ZNF273: variants seen among roughly 807,000 people sequenced by gnomAD.
ZNF273 encodes the protein zinc finger protein 273, also known as zinc finger protein 9.
ZNF273 carries 11 observed loss-of-function variants against 14.9 expected under a neutral mutation model. The ratio of observed to expected loss-of-function variants is 0.74; its 90% CI spans 0.46 to 1.22. The LOEUF is 1.22. ZNF273 is among the 50% of genes most tolerant of loss of function. The probability of loss-of-function intolerance (pLI) is 0.00; values close to 1 mark genes in which losing one functional copy is unlikely to be tolerated. For missense variants in ZNF273, 577 were observed against 660.6 expected (o/e 0.87, Z 1.39); for synonymous variants, 199 against 223.9 (o/e 0.89, Z 0.99).
At chr7:64,911,514 TAGCCTCCCG>T (rs1300802210) in intron 1 of ZNF273, among the ~76,000 whole-genome samples, 1 of 152,036 alleles carries the variant, frequency 6.6e-6, no homozygotes, top group Non-Finnish European at 1.5e-5. Flanking sequence ...CCACCCGCCT[TAGCCTCCCG>T]AAGTGCTGGG....
downstream of ZNF273, chr7:64,889,437 C>T (rs1791825301): frequency 4.1e-6 from 4 of 985,834 alleles, no homozygotes; most frequent in Non-Finnish European, 2.4e-6. This position sits in a 1 kb window ranked among gnomAD's most constrained non-coding sequence, Gnocchi z 4.2. Flanking sequence ...CCCACTCGGG[C>T]TCGGGTGGCC....
downstream of ZNF273, chr7:64,879,882 G>A (rs1397826610): frequency 6.6e-6 from 1 of 152,210 alleles, no homozygotes; most frequent in South Asian, 2.1e-4. Flanking sequence ...GAAGCCCTAC[G>A]GTGAGCAACG....
At chr7:64,905,329 T>C (rs935314547) in intron 1 of ZNF273, among the ~76,000 whole-genome samples, 3 of 151,626 alleles carry the variant, frequency 2.0e-5, no homozygotes, top group Admixed American at 6.6e-5. Context: ...TTGGCTGTAC[T>C]GGCCTTGAAC....
chr7:64,879,750 G>A (rs1008282476), downstream of ZNF273: 6 of 151,932 alleles, frequency 3.9e-5, no homozygotes, highest in Non-Finnish European at 5.9e-5. Context: ...AGCCCAATGG[G>A]ACCCGATTCC....
At chr7:64,915,352 A>G (rs186268512) in intron 1 of ZNF273, among the ~76,000 whole-genome samples, 3 of 152,318 alleles carry the variant, frequency 2.0e-5, no homozygotes, top group Non-Finnish European at 4.4e-5. Context: ...TGAAGTGGGA[A>G]ATCAGGGGTC....
chr7:64,895,101 C>T (rs1792288809), intron 3 of ZNF273, among the ~76,000 whole-genome samples: 1 of 152,110 alleles, frequency 6.6e-6, no homozygotes, highest in African/African-American at 2.4e-5. Flanking sequence ...CGTGCCGCTG[C>T]ACTCCAGCCT....
chr7:64,909,710 C>T (rs1300182985), intron 1 of ZNF273, among the ~76,000 whole-genome samples: 1 of 152,064 alleles, frequency 6.6e-6, no homozygotes, highest in Non-Finnish European at 1.5e-5. Context: ...GTTGCTGAAT[C>T]AAATGGTAAT....
upstream of ZNF273, among the ~76,000 whole-genome samples, chr7:64,899,441 G>A (rs756189834): frequency 1.3e-5 from 2 of 152,132 alleles, no homozygotes; most frequent in Non-Finnish European, 2.9e-5. Context: ...GATCACTTGA[G>A]GTCAGGAGTC....
Position 64,917,579 on chromosome 7 carries a change from A to G in ZNF273, c.103-2A>G. 1 of 1,593,880 alleles carries G rather than the reference A, an allele frequency of 6.3e-7. No homozygotes were observed. Among genetic ancestry groups the G allele is most frequent in the Non-Finnish European group, 8.6e-7 (1 of 1,167,236 alleles). On this transcript the variant is annotated splice_acceptor_variant, in intron 1 of 3. Transcript: ENST00000476120. LOFTEE classifies it high-confidence loss of function. ...ATGTTTTTGTGTGTGTGTGTTTTTC[A>G]GGGACCACTGACATTTAGGGATGTG...
chr7:64,910,581 C>T (rs1793422921), intron 1 of ZNF273, among the ~76,000 whole-genome samples: 1 of 151,468 alleles, frequency 6.6e-6, no homozygotes, highest in South Asian at 2.1e-4. Flanking sequence ...GCTTTGGTAA[C>T]TGTAGCCTGG....
intron 3 of ZNF273, among the ~76,000 whole-genome samples, chr7:64,895,643 G>A (rs1792324095): frequency 1.3e-5 from 2 of 152,178 alleles, no homozygotes; most frequent in Admixed American, 6.5e-5. Flanking sequence ...ATATACAGAT[G>A]GATGTGGCTC....
chr7:64,920,416 G>A (rs939844371), intron 3 of ZNF273, among the ~76,000 whole-genome samples: 2 of 152,174 alleles, frequency 1.3e-5, no homozygotes, highest in African/African-American at 4.8e-5. Flanking sequence ...ATGAACTGTA[G>A]CTCAGGGAGC....
intron 1 of ZNF273, among the ~76,000 whole-genome samples, chr7:64,904,586 TACCAA>T (rs1792960591): frequency 2.0e-5 from 3 of 152,160 alleles, no homozygotes; most frequent in Admixed American, 6.5e-5. Context: ...TGCAGTAAAA[TACCAA>T]ATTTCCAGTT....
chr7:64,885,185 C>T (rs1219806048), intron 1 of ZNF273, among the ~76,000 whole-genome samples: 8 of 152,176 alleles, frequency 5.3e-5, no homozygotes, highest in Non-Finnish European at 4.4e-5. Context: ...GATAGTCCCA[C>T]GATCCCAGGA....
At chr7:64,921,767 A>G (rs1190366517) in intron 3 of ZNF273, among the ~76,000 whole-genome samples, 1 of 151,552 alleles carries the variant, frequency 6.6e-6, no homozygotes, top group East Asian at 1.9e-4. Context: ...CTGGGATTAC[A>G]GGCACTCCCC....
intron 3 of ZNF273, among the ~76,000 whole-genome samples, chr7:64,897,134 A>G (rs974292689): frequency 1.3e-5 from 2 of 152,148 alleles, no homozygotes; most frequent in Admixed American, 1.3e-4. Context: ...GGTCTTCCCT[A>G]TGTCTCTTAC....
intron 3 of ZNF273, among the ~76,000 whole-genome samples, chr7:64,919,573 C>T (rs1269121627): frequency 6.6e-6 from 1 of 152,222 alleles, no homozygotes; most frequent in Middle Eastern, 3.4e-3. Flanking sequence ...GCGGAGGTTG[C>T]AGTGAGCTGA....
At chr7:64,902,323 T>C (rs1045892068), upstream of ZNF273, among the ~76,000 whole-genome samples, 13 of 152,088 alleles carry the variant, frequency 8.5e-5, no homozygotes, top group Non-Finnish European at 1.2e-4. Context: ...GACCAGAAGC[T>C]AGGAAGGTCG....
chr7:64,889,341 C>T, downstream of ZNF273: 2 of 964,268 alleles, frequency 2.1e-6, no homozygotes, highest in Non-Finnish European at 2.5e-6. The surrounding 1 kb of genome is among the most constrained non-coding windows in gnomAD (Gnocchi z 4.2). Flanking sequence ...CCCCTCCGCC[C>T]CAACAGCTGG....
Sources: gnomAD v4.1 joint callset for allele counts (sites outside exome capture counted in the v4.1 genomes callset) on GRCh38, gnomAD v4.1.1 for gene constraint, Gnocchi (gnomAD v3.1) non-coding constraint, MANE v1.5 for transcripts, NCBI Gene and HGNC (gene_info 2026-07-23, HGNC 2026-07-21) for gene names.